TNS3: variants seen among roughly 807,000 people sequenced by gnomAD.
TNS3 encodes the protein tensin 3, also known as tensin-3.
TNS3 carries 45 observed loss-of-function variants against 140.9 expected under a neutral mutation model. That is an observed-to-expected ratio of 0.32 (90% confidence interval 0.25 to 0.41). The LOEUF (loss-of-function observed/expected upper bound fraction) is 0.41, where lower values mean the gene tolerates loss of function less well. TNS3 is among the 10% of genes least tolerant of loss of function. The probability of loss-of-function intolerance (pLI) is 1.00; values close to 1 mark genes in which losing one functional copy is unlikely to be tolerated. For missense variants in TNS3, 1,716 were observed against 1,906.7 expected, an observed-to-expected ratio of 0.90 and a Z score of 1.86; for synonymous variants, 815 against 788.4, an observed-to-expected ratio of 1.03 and a Z score of -0.56.
chr7:47,287,026 G>A (rs1584316287), intron 27 of TNS3, among the ~76,000 whole-genome samples: 1 of 151,994 alleles, frequency 6.6e-6, no homozygotes, highest in Non-Finnish European at 1.5e-5. Flanking sequence ...CTGCATAGGG[G>A]CAACCGATCT....
At chr7:47,516,907 A>G (rs763469559) in intron 2 of TNS3, among the ~76,000 whole-genome samples, 14 of 152,096 alleles carry the variant, frequency 9.2e-5, no homozygotes, top group Non-Finnish European at 1.9e-4. Flanking sequence ...TACTAAAACT[A>G]CAAAAATTAG....
At chr7:47,521,676 G>A (rs1247440071) in intron 2 of TNS3, among the ~76,000 whole-genome samples, 1 of 152,028 alleles carries the variant, frequency 6.6e-6, no homozygotes, top group East Asian at 1.9e-4. Flanking sequence ...AAAGGATGAG[G>A]GTCAGCAGGC....
At chr7:47,394,904 C>T (rs994327900) in intron 16 of TNS3, among the ~76,000 whole-genome samples, 1 of 152,240 alleles carries the variant, frequency 6.6e-6, no homozygotes, top group African/African-American at 2.4e-5. Flanking sequence ...TGGGAGCCAG[C>T]TTGGGGACAA....
At chr7:47,508,853 C>A (rs559267732) in intron 2 of TNS3, among the ~76,000 whole-genome samples, 1 of 152,274 alleles carries the variant, frequency 6.6e-6, no homozygotes, top group East Asian at 1.9e-4. Flanking sequence ...GGAGAGGCCC[C>A]CATGGAGAGG....
chr7:47,414,499 G>T (rs911079313), intron 11 of TNS3, among the ~76,000 whole-genome samples: 3 of 152,174 alleles, frequency 2.0e-5, no homozygotes, highest in African/African-American at 7.2e-5. Context: ...AAGGGAGGAG[G>T]GATAGGGCCC....
chr7:47,421,900 CAA>C (rs1389750931), intron 10 of TNS3, among the ~76,000 whole-genome samples: 4 of 152,114 alleles, frequency 2.6e-5, no homozygotes, highest in East Asian at 3.9e-4. Context: ...TAATTATTCT[CAA>C]GAGTGATTAT....
intron 1 of TNS3, among the ~76,000 whole-genome samples, chr7:47,561,087 G>A (rs145584524): frequency 1.3e-5 from 2 of 152,316 alleles, no homozygotes; most frequent in South Asian, 2.1e-4. Context: ...GACGTGGTGC[G>A]ACGCTGGTTG....
intron 23 of TNS3, among the ~76,000 whole-genome samples, chr7:47,299,108 G>A (rs1013785836): frequency 6.6e-6 from 1 of 152,214 alleles, no homozygotes; most frequent in Non-Finnish European, 1.5e-5. Context: ...AAACTTGGGG[G>A]CTGAACGTGA....
intron 20 of TNS3, among the ~76,000 whole-genome samples, chr7:47,325,648 T>C (rs1787987449): frequency 6.6e-6 from 1 of 152,054 alleles, no homozygotes; most frequent in Admixed American, 6.6e-5. Context: ...CTGTTTACAG[T>C]CCCTCCTGAT....
At chr7:47,550,162 G>A (rs1422967661) in intron 1 of TNS3, among the ~76,000 whole-genome samples, 1 of 152,110 alleles carries the variant, frequency 6.6e-6, no homozygotes, top group Non-Finnish European at 1.5e-5. Flanking sequence ...TACATCACAG[G>A]GAAGCCCTGC....
rs187456873 is a variant in TNS3 at position 47,415,120 on chromosome 7, C to G, written c.560G>C (p.Gly187Ala). 8 of 1,611,514 alleles carry G rather than the reference C, an allele frequency of 5.0e-6. No individual in the cohort carries two copies. Among genetic ancestry groups the G allele is most frequent in the Non-Finnish European group, 5.9e-6 (7 of 1,179,052 alleles). ...TCCACCTGTGTCGAAGTTGGGGGTGCCGTGGAGGATGACAAAATGCAGGAA... is the reference window on the plus strand; with the variant it reads ...TCCACCTGTGTCGAAGTTGGGGGTGGCGTGGAGGATGACAAAATGCAGGAA... Reference protein sequence around the residue: ...PLFLHFVILHGTPNFDTGGVC... With the variant: ...PLFLHFVILHATPNFDTGGVC... The change falls in exon 11 of 31, where the codon GGC becomes GCC. Residue 187 changes from glycine (G) to alanine (A), a missense_variant. Physicochemically the swap from Gly to Ala is moderately conservative, Grantham distance 60. Transcript: ENST00000311160.
chr7:47,521,918 A>T (rs1798992750), intron 2 of TNS3, among the ~76,000 whole-genome samples: 1 of 152,186 alleles, frequency 6.6e-6, no homozygotes, highest in Admixed American at 6.5e-5. Context: ...TCTCAAGGGC[A>T]TCCCAGCCTG....
chr7:47,344,196 C>G (rs1789183660), intron 20 of TNS3, among the ~76,000 whole-genome samples: 1 of 152,170 alleles, frequency 6.6e-6, no homozygotes, highest in Admixed American at 6.5e-5. Context: ...AAGAAGTGCA[C>G]AGTAACTCGC....
chr7:47,459,188 T>C lies in TNS3; in HGVS notation c.-75-17133A>G, dbSNP rs181149083. Among the ~76,000 whole-genome samples, 523 of 152,344 alleles carry C rather than the reference T, an allele frequency of 3.4e-3. 1 individual carries two copies. The highest frequency in any genetic ancestry group is 5.8e-3 in the Non-Finnish European group (395 of 68,042). On this transcript the variant is annotated intron_variant, in intron 4 of 30. Coordinates refer to ENST00000311160, the MANE Select transcript of TNS3 (RefSeq NM_022748.12). ...ATGAATGATGCTATGAGAAACATTCTATAGTTTAAAATGTTAACATCCTTA... is the reference window on the plus strand; with the variant it reads ...ATGAATGATGCTATGAGAAACATTCCATAGTTTAAAATGTTAACATCCTTA...
chr7:47,431,454 G>A (rs1794926198), intron 8 of TNS3, among the ~76,000 whole-genome samples: 1 of 152,074 alleles, frequency 6.6e-6, no homozygotes, highest in Non-Finnish European at 1.5e-5. Flanking sequence ...TTAGCTGGGT[G>A]TGGTGGCACG....
At chr7:47,452,071 G>T (rs998118805) in intron 4 of TNS3, among the ~76,000 whole-genome samples, 4 of 152,188 alleles carry the variant, frequency 2.6e-5, no homozygotes, top group Non-Finnish European at 1.5e-5. Context: ...TAAACATAGG[G>T]CTTAGAACAG....
intron 2 of TNS3, among the ~76,000 whole-genome samples, chr7:47,515,252 A>C (rs1372472349): frequency 6.6e-6 from 1 of 152,236 alleles, no homozygotes; most frequent in Non-Finnish European, 1.5e-5. Flanking sequence ...AAGTCCAAGA[A>C]TGAGCCAGAA....
intron 17 of TNS3, among the ~76,000 whole-genome samples, chr7:47,348,623 A>G (rs1015371535): frequency 6.6e-6 from 1 of 152,246 alleles, no homozygotes; most frequent in Non-Finnish European, 1.5e-5. Context: ...ATTTATCAAA[A>G]TATCACACTG....
intron 4 of TNS3, among the ~76,000 whole-genome samples, chr7:47,464,069 C>T (rs1796600937): frequency 6.6e-6 from 1 of 152,156 alleles, no homozygotes. Context: ...TAGGATGCCT[C>T]ATGCTGCTAC....
Sources: gnomAD v4.1 joint callset for allele counts (sites outside exome capture counted in the v4.1 genomes callset) on GRCh38, gnomAD v4.1.1 for gene constraint, MANE v1.5 for transcripts, NCBI Gene and HGNC (gene_info 2026-07-23, HGNC 2026-07-21) for gene names.